The following WFDC5 variants were observed in gnomAD, a reference collection of about 807,000 sequenced individuals.
The protein encoded by WFDC5 is WAP four-disulfide core domain 5.
In WFDC5, 15 loss-of-function variants were observed where a neutral mutation model predicts 15.7. That is an observed-to-expected ratio of 0.96 (90% confidence interval 0.64 to 1.47). The LOEUF (loss-of-function observed/expected upper bound fraction) is 1.47, where lower values mean the gene tolerates loss of function less well. Among genes scored for constraint, WFDC5 ranks in the 40% most tolerant of loss-of-function variants. WFDC5 has a pLI of 0.00. For synonymous variants in WFDC5, 109 were observed against 107.7 expected, an observed-to-expected ratio of 1.01 and a Z score of -0.07; for missense variants, 280 against 258.0, an observed-to-expected ratio of 1.09 and a Z score of -0.59.
chr20:45,114,397 C>T (rs1158270731), intron 1 of WFDC5, among the ~76,000 whole-genome samples: 1 of 152,046 alleles, frequency 6.6e-6, no homozygotes, highest in East Asian at 1.9e-4. Context: ...AGGTTGGGGG[C>T]GATGAGAGTT....
intron 1 of WFDC5, 57 bp downstream of exon 1, chr20:45,114,942 T>G (rs1008312890): frequency 6.3e-7 from 1 of 1,582,870 alleles, no homozygotes; most frequent in Non-Finnish European, 8.6e-7. Context: ...ACCCTTACTC[T>G]CCCTAGAGAA....
At chr20:45,110,354 G>A (rs1568796934) in intron 3 of WFDC5, 46 bp downstream of exon 3, 1 of 1,556,994 alleles carries the variant, frequency 6.4e-7, no homozygotes, top group East Asian at 2.4e-5. Flanking sequence ...ATTAGAGCTG[G>A]GCTCGGAGAG....
chr20:45,114,862 TACAC>T (rs967514577), intron 1 of WFDC5, 133 bp downstream of exon 1: 19 of 824,922 alleles, frequency 2.3e-5, no homozygotes, highest in Admixed American at 1.3e-4. Flanking sequence ...CATCCACACA[TACAC>T]ACACGCACGC....
chr20:45,115,392 C>T (rs1981737065), upstream of WFDC5, among the ~76,000 whole-genome samples: 1 of 152,148 alleles, frequency 6.6e-6, no homozygotes. Context: ...CATCTGTACA[C>T]AGGGTGAAGG....
chr20:45,114,274 C>T (rs1354915657), intron 1 of WFDC5, among the ~76,000 whole-genome samples: 3 of 152,094 alleles, frequency 2.0e-5, no homozygotes, highest in Non-Finnish European at 4.4e-5. Context: ...CAGAAAAGGA[C>T]GCAGGTGGAG....
At chr20:45,116,066 C>T (rs1981752286), upstream of WFDC5, among the ~76,000 whole-genome samples, 1 of 152,190 alleles carries the variant, frequency 6.6e-6, no homozygotes, top group Non-Finnish European at 1.5e-5. Context: ...GGACTTCCCA[C>T]TGTGGCCTCC....
chr20:45,110,376 GCCCTGGGCA>G lies in WFDC5; in HGVS notation c.382_390del (p.Cys128_Gly130del), dbSNP rs771182737. On this transcript the variant is annotated inframe_deletion, in exon 3 of 4. Transcript: ENST00000307971. ...CTGGGCTCGGAGAGGGGAGGCACCT[GCCCTGGGCA>G]CCCAGGAGCCGTACCTCTGGCAGGA... The G allele has an allele frequency of 3.8e-6, 6 of 1,580,442 alleles. No homozygotes were observed. Among genetic ancestry groups the G allele is most frequent in the Middle Eastern group, 3.4e-4 (2 of 5,844 alleles).
At chr20:45,113,413 T>A (rs1221033092) in intron 1 of WFDC5, among the ~76,000 whole-genome samples, 2 of 152,224 alleles carry the variant, frequency 1.3e-5, no homozygotes, top group Non-Finnish European at 2.9e-5. Flanking sequence ...CACCTGCCCA[T>A]GCAGAGTGGC....
At chr20:45,114,810 C>T (rs1981712751) in intron 1 of WFDC5, among the ~76,000 whole-genome samples, 189 bp downstream of exon 1, 1 of 151,770 alleles carries the variant, frequency 6.6e-6, no homozygotes. Flanking sequence ...CACAAATGTA[C>T]ACACATAAAA....
intron 1 of WFDC5, among the ~76,000 whole-genome samples, chr20:45,112,872 CATAT>C (rs763075563): frequency 3.9e-5 from 6 of 152,042 alleles, no homozygotes; most frequent in African/African-American, 1.5e-4. Context: ...TATTTATAAA[CATAT>C]ATAAACAGGC....
chr20:45,112,468 G>A (rs958307975), intron 1 of WFDC5, among the ~76,000 whole-genome samples: 4 of 152,168 alleles, frequency 2.6e-5, no homozygotes, highest in East Asian at 3.9e-4. Context: ...CAGAGCCGGC[G>A]TGAGAGGCTC....
At chr20:45,115,042 A>G in exon 1 of WFDC5, 1 of 1,613,624 alleles carries the variant, frequency 6.2e-7, no homozygotes, top group Non-Finnish European at 8.5e-7. Context: ...GACTCCCCAC[A>G]GCCAGGAGGG....
chr20:45,113,246 C>T (rs1447076503), intron 1 of WFDC5, among the ~76,000 whole-genome samples: 1 of 152,204 alleles, frequency 6.6e-6, no homozygotes, highest in Non-Finnish European at 1.5e-5. Context: ...ACAGAGGCGG[C>T]TGGGCTTCCA....
intron 3 of WFDC5, 125 bp from the exon 4 acceptor site, chr20:45,110,138 C>T (rs567595905): frequency 7.2e-7 from 1 of 1,385,030 alleles, no homozygotes; most frequent in South Asian, 1.4e-5. Flanking sequence ...TCCTCTGCCC[C>T]CTTCAAAAGG....
rs769834623 is a variant in WFDC5 at position 45,114,974 on chromosome 20, C to T, written c.85+25G>A. 6.2e-6 allele frequency: 10 copies of T among 1,611,090 alleles called. No homozygotes were observed. In the Admixed American group the frequency reaches 1.3e-4, roughly 22 times the overall value. On this transcript the variant is annotated intron_variant, in intron 1 of 3. Coordinates refer to ENST00000307971, the Ensembl canonical transcript of WFDC5. ...AGAAGTAGAGACAATCTGGTCCCCC[C>T]AGCAGAGGGATTTCCCGCACTCACC...
chr20:45,109,709 ATGTACGGAT>A, exon 4 of WFDC5: 1 of 713,580 alleles, frequency 1.4e-6, no homozygotes, highest in East Asian at 2.7e-5. Context: ...AGGAAGCAGC[ATGTACGGAT>A]TGGTGTGAAA....
At chr20:45,113,244 G>A (rs566182250) in intron 1 of WFDC5, among the ~76,000 whole-genome samples, 79 of 152,312 alleles carry the variant, frequency 5.2e-4, no homozygotes, top group African/African-American at 1.6e-3. Flanking sequence ...AAACAGAGGC[G>A]GCTGGGCTTC....
upstream of WFDC5, chr20:45,115,185 G>A: frequency 9.2e-7 from 1 of 1,090,854 alleles, no homozygotes. Context: ...AGGGGGTGTG[G>A]AGTGACACCG....
exon 4 of WFDC5, chr20:45,109,928 G>A (rs1568796649): frequency 6.3e-7 from 1 of 1,593,624 alleles, no homozygotes; most frequent in East Asian, 2.2e-5. Flanking sequence ...CTGTCCAGCG[G>A]GCAGGGCCCC....
Sources: allele counts gnomAD v4.1 joint callset (sites outside exome capture counted in the v4.1 genomes callset), GRCh38; gene constraint gnomAD v4.1.1; transcripts MANE v1.5; gene names NCBI Gene and HGNC (gene_info 2026-07-23, HGNC 2026-07-21).